CEP350: variants seen among roughly 807,000 people sequenced by gnomAD.
The protein encoded by CEP350 is centrosomal protein 350, also known as centrosome-associated protein 350.
A neutral mutation model predicts 331.8 loss-of-function variants in CEP350; 126 were observed. The observed-to-expected ratio is 0.38, with a 90% CI of 0.33 to 0.44. The LOEUF (loss-of-function observed/expected upper bound fraction) is 0.44, where lower values mean the gene tolerates loss of function less well. Among genes scored for constraint, CEP350 ranks in the 20% least tolerant of loss-of-function variants. CEP350 has a pLI of 1.00. For missense variants in CEP350, 3,406 were observed against 3,634.6 expected, an observed-to-expected ratio of 0.94 and a Z score of 1.62; for synonymous variants, 1,200 against 1,259.5, an observed-to-expected ratio of 0.95 and a Z score of 1.00.
intron 1 of CEP350, among the ~76,000 whole-genome samples, chr1:179,956,701 A>G (rs186433257): frequency 2.0e-5 from 3 of 152,278 alleles, no homozygotes; most frequent in Admixed American, 2.0e-4. Context: ...AAAGAAGTCT[A>G]AAATAACTGA....
rs1657613190 is a variant in CEP350 at position 180,053,149 on chromosome 1, A to G, written c.4972A>G (p.Thr1658Ala). The G allele has an allele frequency of 3.8e-6, 6 of 1,592,128 alleles. No homozygotes were observed. The highest frequency in any genetic ancestry group is 3.3e-4 in the Middle Eastern group (2 of 6,004). ...SDEEASPEKT[T>A]LSTAKELNMP... ...TGAAGAAGCTTCTCCAGAAAAAACT[A>G]CACTGTCTACTGCCAAGGTGTGTTT... The change falls in exon 23 of 38, where the codon ACA (threonine) becomes GCA (alanine). Residue 1658 changes from threonine to alanine, a missense_variant. This residue lies in a region of CEP350 where 104 missense variants were observed against 143.3 expected (regional missense o/e 0.73). Transcript: ENST00000367607.
At chr1:179,977,341 G>A (rs1455005145) in intron 1 of CEP350, among the ~76,000 whole-genome samples, 1 of 152,214 alleles carries the variant, frequency 6.6e-6, no homozygotes, top group Non-Finnish European at 1.5e-5. Flanking sequence ...TGCTTAGTGG[G>A]AAGGTGGCCT....
At position 180,013,873 on chromosome 1, in the gene CEP350, G is replaced by A. The variant is rs1469407879; in HGVS notation, c.1420G>A (p.Asp474Asn). ...SGGHIGRAES[D>N]PRLDVLHRHL... ...GGGTCACATTGGAAGAGCAGAATCT[G>A]ATCCCAGGTTGGACGTTTTACATAG... The change falls in exon 10 of 38, where the codon GAT becomes AAT. Residue 474 changes from aspartate (D) to asparagine (N), a missense_variant. This residue lies in a region of CEP350 where 1,857 missense variants were observed against 1,909.2 expected (regional missense o/e 0.97). Coordinates refer to ENST00000367607, the MANE Select transcript of CEP350 (RefSeq NM_014810.5). The A allele has an allele frequency of 5.0e-6, 8 of 1,612,014 alleles. No individual in the cohort carries two copies. Among genetic ancestry groups the A allele is most frequent in the Non-Finnish European group, 6.8e-6 (8 of 1,179,108 alleles).
chr1:180,049,309 G>T (rs921780359), intron 22 of CEP350, among the ~76,000 whole-genome samples: 6 of 152,164 alleles, frequency 3.9e-5, no homozygotes, highest in African/African-American at 1.2e-4. Context: ...TGACTTGTTT[G>T]TGCCATATCT....
intron 37 of CEP350, among the ~76,000 whole-genome samples, chr1:180,107,529 A>G (rs1424224259): frequency 6.6e-6 from 1 of 152,184 alleles, no homozygotes; most frequent in Non-Finnish European, 1.5e-5. Flanking sequence ...TTAGCCGGGC[A>G]TAGTGGCGCA....
At position 180,022,863 on chromosome 1, in the gene CEP350, CA is replaced by C. The variant is rs1558107988; in HGVS notation, c.3386+17del. ...CTTGAACCTCAGTAAGATATATTGG[CA>C]ATATGGAATAAACTCTGAAGAGTGA... On this transcript the variant is annotated intron_variant, in intron 13 of 37. Coordinates refer to ENST00000367607, the MANE Select transcript of CEP350 (RefSeq NM_014810.5). 1 of 1,563,804 alleles carries C rather than the reference CA, an allele frequency of 6.4e-7. No individual in the cohort carries two copies. The highest frequency in any genetic ancestry group is 2.3e-5 in the East Asian group (1 of 42,838).
intron 14 of CEP350, among the ~76,000 whole-genome samples, chr1:180,024,928 C>CTT (rs764201704): frequency 2.8e-5 from 4 of 144,810 alleles, no homozygotes; most frequent in African/African-American, 2.5e-5. Context: ...TATTTATTTA[C>CTT]TTTTTTTTTT....
chr1:179,986,602 A>G (rs1336876205), intron 2 of CEP350, among the ~76,000 whole-genome samples: 1 of 152,192 alleles, frequency 6.6e-6, no homozygotes, highest in East Asian at 1.9e-4. Flanking sequence ...TTTTAAAATA[A>G]TGCATTAGAG....
intron 1 of CEP350, among the ~76,000 whole-genome samples, chr1:179,985,483 C>T (rs1034292124): frequency 4.6e-5 from 7 of 152,126 alleles, no homozygotes; most frequent in African/African-American, 1.7e-4. Context: ...TTCCTTGAGC[C>T]TCCACAAGCA....
chr1:180,077,957 A>G (rs1571965793), intron 28 of CEP350, among the ~76,000 whole-genome samples: 1 of 152,086 alleles, frequency 6.6e-6, no homozygotes, highest in East Asian at 1.9e-4. Flanking sequence ...CCATGGTGAA[A>G]CCCCATCTCT....
chr1:180,093,599 C>T lies in CEP350; in HGVS notation c.7494C>T (p.His2498=), dbSNP rs376349619. The change falls in exon 34 of 38, where the codon CAC becomes CAT. Residue 2498 remains histidine (H), a synonymous_variant. Coordinates refer to ENST00000367607, the MANE Select transcript of CEP350 (RefSeq NM_014810.5). ...VPTADELFDF[H]IGDRVLIGNV... ...CTGCAGACGAGTTATTTGATTTCCA[C>T]ATTGGTGATAGGGTGTTGATTGGAA... 1 of 1,613,948 alleles carries T rather than the reference C, an allele frequency of 6.2e-7. No individual in the cohort carries two copies. The highest frequency in any genetic ancestry group is 8.5e-7 in the Non-Finnish European group (1 of 1,179,872).
chr1:179,991,687 GTGTGTGTGTGTGTGTGTGTGTA>G (rs1190551375), intron 4 of CEP350, among the ~76,000 whole-genome samples: 1 of 122,420 alleles, frequency 8.2e-6, no homozygotes, highest in Non-Finnish European at 1.7e-5. Context: ...GTGTGTGTGT[GTGTGTGTGTGTGTGTGTGTGTA>G]TATATATATA....
In CEP350 at chr1:180,093,435, C is replaced by G; in HGVS notation, c.7330C>G (p.Leu2444Val). The part of the protein sequence containing the change: ...EISECLSEKS[L>V]SIHSNVHSDR... ...CAGTGAGTGCCTAAGTGAGAAAAGC[C>G]TTTCTATCCATAGCAATGTTCATTC... The change falls in exon 34 of 38, where the codon CTT becomes GTT. Residue 2444 changes from leucine to valine, a missense_variant. By Grantham distance (32) the Leu-to-Val change is conservative. This residue lies in a region of CEP350 where 1,415 missense variants were observed against 1,512.3 expected (regional missense o/e 0.94). Coordinates refer to ENST00000367607, the MANE Select transcript of CEP350 (RefSeq NM_014810.5). 1.2e-6 allele frequency: 2 copies of G among 1,601,260 alleles called. No individual in the cohort carries two copies. Among genetic ancestry groups the G allele is most frequent in the African/African-American group, 1.3e-5 (1 of 74,834 alleles).
At chr1:180,089,795 T>C (rs1028088785) in intron 32 of CEP350, among the ~76,000 whole-genome samples, 2 of 152,124 alleles carry the variant, frequency 1.3e-5, no homozygotes, top group Non-Finnish European at 2.9e-5. Context: ...AGGAAAGTTA[T>C]CAGGGTTAGA....
chr1:180,018,251 GTGAT>G (rs1558103531), intron 11 of CEP350, among the ~76,000 whole-genome samples: 1 of 152,092 alleles, frequency 6.6e-6, no homozygotes, highest in East Asian at 1.9e-4. Context: ...CTGGCCTCAA[GTGAT>G]TGATTCTTCT....
chr1:179,955,140 C>A lies in CEP350; in HGVS notation c.-16C>A, dbSNP rs1412671398. On this transcript the variant is annotated splice_region_variant and 5_prime_UTR_variant, in exon 1 of 38. Coordinates refer to ENST00000367607, the MANE Select transcript of CEP350 (RefSeq NM_014810.5). ...TAGCCGAGGGCGGAGGCGACACTCT[C>A]AGGTGAGCTCCTGTAGGACCTGGCT... 3.4e-6 allele frequency: 5 copies of A among 1,458,864 alleles called. No homozygotes were observed. The highest frequency in any genetic ancestry group is 1.5e-5 in the African/African-American group (1 of 68,376). The allele number at this position is 1,458,864 out of a possible 1,614,324, so 90.4% of individuals were successfully genotyped here. A position where few individuals can be genotyped will look rare whatever the true frequency, so the allele number is the denominator to read the frequency against.
At position 180,020,109 on chromosome 1, in the gene CEP350, T is replaced by A; in HGVS notation, c.2335T>A (p.Leu779Ile). ...TTTGCATAAGGATTTTGAATCTATT[T>A]TACCAACCAGGAAGAATCATAATAT... ...GILHKDFESI[L>I]PTRKNHNMAS... The change falls in exon 12 of 38, where the codon TTA becomes ATA. Residue 779 changes from leucine to isoleucine, a missense_variant. Around this residue, in one of 5 missense-constraint regions of CEP350, gnomAD observed 1,857 missense variants for 1,909.2 expected, o/e 0.97. Coordinates refer to ENST00000367607, the MANE Select transcript of CEP350 (RefSeq NM_014810.5). 6.2e-7 allele frequency: 1 copy of A among 1,613,998 alleles called. No individual in the cohort carries two copies. The highest frequency in any genetic ancestry group is 8.5e-7 in the Non-Finnish European group (1 of 1,179,896).
At chr1:180,033,723 AT>A (rs1158462522) in intron 15 of CEP350, 138 bp from the exon 16 acceptor site, 1 of 794,664 alleles carries the variant, frequency 1.3e-6, no homozygotes, top group Non-Finnish European at 2.0e-6. Flanking sequence ...TAGTGATTAT[AT>A]TAATGAATAA....
chr1:180,051,945 C>T (rs1310069879), intron 22 of CEP350, among the ~76,000 whole-genome samples: 1 of 152,122 alleles, frequency 6.6e-6, no homozygotes, highest in African/African-American at 2.4e-5. Context: ...CCAGGTTTCT[C>T]AGTGTTGGAA....
Sources: allele counts gnomAD v4.1 joint callset (sites outside exome capture counted in the v4.1 genomes callset), GRCh38; gene constraint gnomAD v4.1.1; regional missense constraint gnomAD v4.1.1; transcripts MANE v1.5; gene names NCBI Gene and HGNC (gene_info 2026-07-23, HGNC 2026-07-21).